Variants in BPTF observed in about 807,000 individuals in gnomAD.
BPTF encodes nucleosome-remodeling factor subunit BPTF.
In BPTF, 18 loss-of-function variants were observed where a neutral mutation model predicts 292.5. The observed-to-expected ratio is 0.06, with a 90% CI of 0.04 to 0.09. The LOEUF is 0.09. BPTF is among the 10% of genes least tolerant of loss of function. The probability of loss-of-function intolerance (pLI) is 1.00; values close to 1 mark genes in which losing one functional copy is unlikely to be tolerated. For synonymous variants in BPTF, 1,225 were observed against 1,251.9 expected (o/e 0.98, Z 0.45); for missense variants, 2,726 against 3,498.7 (o/e 0.78, Z 5.57).
chr17:67,834,462 C>T (rs1976052), intron 1 of BPTF, among the ~76,000 whole-genome samples: 30,451 of 151,924 alleles, frequency 0.2, 3,848 homozygotes, highest in East Asian at 0.66. Flanking sequence ...TAAGATCTGT[C>T]TGACTTTCTG....
At chr17:67,962,905 A>C (rs1423951192) in intron 24 of BPTF, among the ~76,000 whole-genome samples, 3 of 152,218 alleles carry the variant, frequency 2.0e-5, no homozygotes, top group Non-Finnish European at 2.9e-5. Flanking sequence ...TACATTTTCA[A>C]ACCTATCTAA....
intron 2 of BPTF, among the ~76,000 whole-genome samples, chr17:67,862,539 A>T (rs2059147072): frequency 6.6e-6 from 1 of 152,192 alleles, no homozygotes; most frequent in African/African-American, 2.4e-5. Context: ...GAACCTAGGC[A>T]TTCTGGCTCC....
Position 67,945,934 on chromosome 17 carries a change from C to G in BPTF, c.7226C>G (p.Thr2409Ser). The G allele has an allele frequency of 6.2e-7, 1 of 1,614,190 alleles. No homozygotes were observed. The highest frequency in any genetic ancestry group is 8.5e-7 in the Non-Finnish European group (1 of 1,180,038). ...SSTQTLSSGQ[T>S]LNQVTVSSPS... Reference sequence around the variant, plus strand: ...ACTCAAACTCTTTCATCAGGACAAACTTTAAATCAAGTTACTGTTTCATCC... The same window carrying G: ...ACTCAAACTCTTTCATCAGGACAAAGTTTAAATCAAGTTACTGTTTCATCC... The change falls in exon 21 of 28, where the codon ACT becomes AGT. Residue 2409 changes from threonine (T) to serine (S), a missense_variant. This residue lies in a region of BPTF where 570 missense variants were observed against 633.5 expected (regional missense o/e 0.90). Coordinates refer to ENST00000306378, the MANE Select transcript of BPTF (RefSeq NM_182641.4).
Position 67,913,148 on chromosome 17 carries a change from C to T in BPTF, c.5264C>T (p.Pro1755Leu). 1 of 1,612,946 alleles carries T rather than the reference C, an allele frequency of 6.2e-7. No individual in the cohort carries two copies. ...GCAAAACCTGCTTTGGATATATGGC[C>T]ATATCCTTCTCCTAGACCGACCTTT... is the stretch of plus-strand genomic sequence containing the variant. ...YNAKPALDIW[P>L]YPSPRPTFGI... The change falls in exon 11 of 28, where the codon CCA (proline) becomes CTA (leucine). Residue 1755 changes from proline (P) to leucine (L), a missense_variant. Pro to Leu is a moderately conservative substitution (Grantham distance 98). This residue lies in a region of BPTF where 36 missense variants were observed against 34.7 expected (regional missense o/e 1.04). Transcript: ENST00000306378.
chr17:67,906,915 A>G (rs908573362), intron 9 of BPTF, among the ~76,000 whole-genome samples: 1 of 152,140 alleles, frequency 6.6e-6, no homozygotes, highest in Non-Finnish European at 1.5e-5. Flanking sequence ...CTTTAAGTCC[A>G]GGTGCCATGG....
chr17:67,896,024 C>T lies in BPTF; in HGVS notation c.2543+1859C>T, dbSNP rs1346546399. Among the ~76,000 whole-genome samples the T allele has an allele frequency of 8.8e-5, 13 of 146,956 alleles. No homozygotes were observed. The East Asian group carries it at 1.2e-3, about 14-fold the overall frequency. On this transcript the variant is annotated intron_variant, in intron 7 of 27. Transcript: ENST00000306378. ...TGTCACCCAGGCTGGAGTGCAGTGG[C>T]GTGATCTCGGCTCACTGCAGCTCCG...
chr17:67,889,653 C>T (rs538541149), intron 4 of BPTF, among the ~76,000 whole-genome samples: 223 of 152,066 alleles, frequency 1.5e-3, no homozygotes, highest in Non-Finnish European at 2.6e-3. Flanking sequence ...ACTAAAAATA[C>T]AAAAATTAGC....
intron 9 of BPTF, among the ~76,000 whole-genome samples, chr17:67,908,317 A>C (rs891834481): frequency 2.6e-5 from 4 of 151,432 alleles, no homozygotes; most frequent in Non-Finnish European, 5.9e-5. Flanking sequence ...TACCACCATG[A>C]CTGGCTAATT....
chr17:67,971,805 G>A (rs144882894), intron 26 of BPTF, among the ~76,000 whole-genome samples: 177 of 141,708 alleles, frequency 1.2e-3, no homozygotes, highest in African/African-American at 4.5e-3. Flanking sequence ...TTCAGCCTGG[G>A]CAATAGAGTG....
At chr17:67,872,736 C>T (rs1485104060) in intron 3 of BPTF, among the ~76,000 whole-genome samples, 1 of 152,082 alleles carries the variant, frequency 6.6e-6, no homozygotes, top group Non-Finnish European at 1.5e-5. Context: ...AAAAGGAAAT[C>T]TGTGCCTCTA....
At chr17:67,895,523 G>A (rs965501678) in intron 7 of BPTF, among the ~76,000 whole-genome samples, 8 of 147,444 alleles carry the variant, frequency 5.4e-5, no homozygotes, top group Non-Finnish European at 1.2e-4. Flanking sequence ...GTACAGTGGC[G>A]CCATCACAGC....
chr17:67,844,404 C>T (rs373208409), intron 1 of BPTF, among the ~76,000 whole-genome samples: 3 of 151,842 alleles, frequency 2.0e-5, no homozygotes, highest in Non-Finnish European at 2.9e-5. Flanking sequence ...CCCGCCACCA[C>T]GCCTGGCTAA....
intron 9 of BPTF, among the ~76,000 whole-genome samples, chr17:67,905,483 G>A (rs1056928425): frequency 3.3e-5 from 5 of 152,066 alleles, no homozygotes; most frequent in Admixed American, 2.0e-4. Flanking sequence ...GAGGCAGGAG[G>A]ATCACTTGAG....
intron 18 of BPTF, among the ~76,000 whole-genome samples, chr17:67,938,884 CA>C (rs1289667497): frequency 1.3e-5 from 2 of 152,100 alleles, no homozygotes; most frequent in African/African-American, 4.8e-5. Flanking sequence ...AGTGAATTCA[CA>C]AATGAAGAAC....
At chr17:67,922,596 A>G (rs2063528785) in intron 13 of BPTF, among the ~76,000 whole-genome samples, 1 of 152,192 alleles carries the variant, frequency 6.6e-6, no homozygotes, top group African/African-American at 2.4e-5. Context: ...AGCAAACCAC[A>G]GCCCATGAGC....
chr17:67,859,047 G>A (rs989475998), intron 2 of BPTF, among the ~76,000 whole-genome samples: 2 of 152,156 alleles, frequency 1.3e-5, no homozygotes, highest in Admixed American at 1.3e-4. Flanking sequence ...CACTTCATGT[G>A]TGCCTCACAG....
intron 11 of BPTF, among the ~76,000 whole-genome samples, chr17:67,915,512 A>C (rs1192677960): frequency 2.0e-5 from 3 of 152,184 alleles, no homozygotes; most frequent in African/African-American, 7.2e-5. Flanking sequence ...ATTTTGGTAC[A>C]GCGCATTCTG....
intron 3 of BPTF, among the ~76,000 whole-genome samples, chr17:67,869,511 G>A (rs1446108851): frequency 6.6e-6 from 1 of 152,098 alleles, no homozygotes; most frequent in African/African-American, 2.4e-5. Flanking sequence ...TGCAAAAACT[G>A]TGTGAGATAC....
At position 67,826,098 on chromosome 17, in the gene BPTF, T is replaced by C; in HGVS notation, c.374T>C (p.Val125Ala). 1.5e-6 allele frequency: 2 copies of C among 1,377,026 alleles called. No homozygotes were observed. The highest frequency in any genetic ancestry group is 2.0e-6 in the Non-Finnish European group (2 of 987,286). 85.3% of individuals were successfully genotyped at this position (1,377,026 alleles called of 1,614,324 possible). The change falls in exon 1 of 28, where the codon GTG becomes GCG. Residue 125 changes from valine (V) to alanine (A), a missense_variant. By Grantham distance (64) the Val-to-Ala change is moderately conservative. Around this residue, in one of 22 missense-constraint regions of BPTF, gnomAD observed 153 missense variants for 178.3 expected, o/e 0.86. Coordinates refer to ENST00000306378, the MANE Select transcript of BPTF (RefSeq NM_182641.4). ...TAARRAVNKV[V>A]YDDHESEEEE... The stretch of plus-strand genomic sequence containing the variant: ...GCCCGGAGGGCCGTCAACAAAGTGG[T>C]GTACGATGACCACGAGAGCGAGGAG...
Sources: gnomAD v4.1 joint callset for allele counts (sites outside exome capture counted in the v4.1 genomes callset) on GRCh38, gnomAD v4.1.1 for gene constraint, gnomAD v4.1.1 regional missense constraint, MANE v1.5 for transcripts, NCBI Gene and HGNC (gene_info 2026-07-23, HGNC 2026-07-21) for gene names.